ARNT2: variants seen among roughly 807,000 people sequenced by gnomAD.
ARNT2 encodes aryl hydrocarbon receptor nuclear translocator 2, also known as ARNT protein 2.
Under a neutral mutation model 91.7 loss-of-function variants are expected in ARNT2, and 36 were observed. The observed-to-expected ratio is 0.39, with a 90% CI of 0.30 to 0.52. The LOEUF is 0.52. Ranked by LOEUF, ARNT2 falls within the 20% of genes least tolerant of loss-of-function variation. The pLI is 0.72. For synonymous variants in ARNT2, 365 were observed against 347.1 expected (o/e 1.05, Z -0.57); for missense variants, 775 against 939.3 (o/e 0.83, Z 2.29).
intron 8 of ARNT2, among the ~76,000 whole-genome samples, chr15:80,524,854 G>C (rs573511020): frequency 6.8e-6 from 1 of 147,720 alleles, no homozygotes; most frequent in Non-Finnish European, 1.5e-5. Context: ...CAGCCTGGGC[G>C]ACAGAGCCAG....
chr15:80,412,499 T>C (rs958996651), intron 1 of ARNT2, among the ~76,000 whole-genome samples: 1 of 59,962 alleles, frequency 1.7e-5, no homozygotes, highest in Non-Finnish European at 3.5e-5. Context: ...AAATATTGTG[T>C]GTGTGTGTAT....
At chr15:80,497,136 C>G (rs1897134412) in intron 5 of ARNT2, among the ~76,000 whole-genome samples, 1 of 152,234 alleles carries the variant, frequency 6.6e-6, no homozygotes, top group South Asian at 2.1e-4. Flanking sequence ...TCTGGTTATT[C>G]AATCAAACAC....
At chr15:80,503,027 T>C (rs1280139804) in intron 5 of ARNT2, among the ~76,000 whole-genome samples, 1 of 152,170 alleles carries the variant, frequency 6.6e-6, no homozygotes, top group Non-Finnish European at 1.5e-5. Flanking sequence ...GCTGGATGGA[T>C]TGTGCCTCTA....
At chr15:80,572,548 C>T (rs8033088) in intron 12 of ARNT2, among the ~76,000 whole-genome samples, 28,624 of 151,548 alleles carry the variant, frequency 0.19, 2,971 homozygotes, top group African/African-American at 0.23. Context: ...GCATCCCAGA[C>T]CCAGATGAGG....
chr15:80,410,832 A>G (rs1208350290), intron 1 of ARNT2, among the ~76,000 whole-genome samples: 5 of 150,346 alleles, frequency 3.3e-5, no homozygotes, highest in Non-Finnish European at 3.0e-5. Flanking sequence ...CCTACCTATC[A>G]TCTGTCTACC....
At chr15:80,416,276 A>G (rs1444143032) in intron 1 of ARNT2, among the ~76,000 whole-genome samples, 1 of 151,378 alleles carries the variant, frequency 6.6e-6, no homozygotes, top group Non-Finnish European at 1.5e-5. Context: ...CTATTTTACC[A>G]TGTTGGCTTT....
chr15:80,505,028 A>G (rs1341196743), intron 5 of ARNT2, among the ~76,000 whole-genome samples: 2 of 152,208 alleles, frequency 1.3e-5, no homozygotes, highest in South Asian at 2.1e-4. Flanking sequence ...AGTGGAGAAC[A>G]TGAAAGGTTC....
At chr15:80,494,382 C>T (rs1486362957) in intron 5 of ARNT2, among the ~76,000 whole-genome samples, 2 of 152,182 alleles carry the variant, frequency 1.3e-5, no homozygotes, top group African/African-American at 4.8e-5. Context: ...GCCTGGTCTC[C>T]TGGCATATAC....
chr15:80,572,122 T>C (rs1302359232), intron 12 of ARNT2, among the ~76,000 whole-genome samples: 1 of 151,406 alleles, frequency 6.6e-6, no homozygotes, highest in Non-Finnish European at 1.5e-5. Context: ...GGAAAGGGAA[T>C]TAAAAAAAAA....
chr15:80,484,387 A>T (rs1385578027), intron 5 of ARNT2, among the ~76,000 whole-genome samples: 1 of 152,234 alleles, frequency 6.6e-6, no homozygotes, highest in Non-Finnish European at 1.5e-5. Context: ...TGCTTGATAA[A>T]TGCACGTGAG....
chr15:80,420,372 A>G (rs1158874646), intron 1 of ARNT2, among the ~76,000 whole-genome samples: 1 of 152,186 alleles, frequency 6.6e-6, no homozygotes, highest in Non-Finnish European at 1.5e-5. Context: ...CATGTGACAC[A>G]AAGCCTATTT....
At chr15:80,407,137 A>G (rs1895612733) in intron 1 of ARNT2, among the ~76,000 whole-genome samples, 1 of 152,220 alleles carries the variant, frequency 6.6e-6, no homozygotes, top group Admixed American at 6.5e-5. Context: ...CTTGGTAAAC[A>G]GAACCAAATG....
intron 8 of ARNT2, among the ~76,000 whole-genome samples, chr15:80,541,888 T>C (rs1897912786): frequency 6.6e-6 from 1 of 152,208 alleles, no homozygotes; most frequent in Non-Finnish European, 1.5e-5. Flanking sequence ...CCCTACTGCC[T>C]TCCTGCAGTC....
chr15:80,586,232 A>G (rs1406202677), intron 17 of ARNT2, among the ~76,000 whole-genome samples: 1 of 152,146 alleles, frequency 6.6e-6, no homozygotes, highest in Non-Finnish European at 1.5e-5. Context: ...CAAGTGTGGC[A>G]TACACATACG....
chr15:80,491,776 A>G (rs1897059607), intron 5 of ARNT2, among the ~76,000 whole-genome samples: 2 of 131,654 alleles, frequency 1.5e-5, no homozygotes, highest in South Asian at 4.9e-4. Flanking sequence ...AATACATCTC[A>G]TTTACTTCTC....
intron 11 of ARNT2, among the ~76,000 whole-genome samples, chr15:80,559,713 A>G (rs1429761645): frequency 6.6e-6 from 1 of 152,148 alleles, no homozygotes; most frequent in African/African-American, 2.4e-5. Context: ...AGTCAAAAAG[A>G]GCTGAACTCT....
rs530441738 is a variant in ARNT2 at position 80,597,369 on chromosome 15, AT to A, written c.*3673del. On this transcript the variant is annotated 3_prime_UTR_variant, in exon 19 of 19. Coordinates refer to ENST00000303329, the MANE Select transcript of ARNT2 (RefSeq NM_014862.4). ...AAGTCAGAATAGAAGTGTCCTTTAT[AT>A]TACCAGAAAATATGGGCTTGGCCTA... 19 of 502,206 alleles carry A rather than the reference AT, an allele frequency of 3.8e-5. No individual in the cohort carries two copies. Among genetic ancestry groups the A allele is most frequent in the Non-Finnish European group, 6.8e-5 (17 of 249,858 alleles). 31.1% of individuals were successfully genotyped at this position (502,206 alleles called of 1,614,324 possible). A position where few individuals can be genotyped will look rare whatever the true frequency, so the allele number is the denominator to read the frequency against.
At chr15:80,472,437 A>G (rs1263865964) in intron 4 of ARNT2, among the ~76,000 whole-genome samples, 1 of 152,244 alleles carries the variant, frequency 6.6e-6, no homozygotes, top group African/African-American at 2.4e-5. Flanking sequence ...TTATTCTGCT[A>G]GAGCCGAGAC....
chr15:80,552,773 A>G lies in ARNT2; in HGVS notation c.1088A>G (p.Gln363Arg), dbSNP rs1010533478. The part of the protein sequence containing the change: ...RCISVIGYQP[Q>R]DLLGKDILEF... Reference sequence around the variant, plus strand: ...ATCAGTGTGATTGGCTACCAACCCCAGGTGAGTAGATAGTTTTGAGCCTAT... The same window carrying G: ...ATCAGTGTGATTGGCTACCAACCCCGGGTGAGTAGATAGTTTTGAGCCTAT... The change falls in exon 10 of 19, where the codon CAG becomes CGG. Residue 363 changes from glutamine to arginine, a missense_variant and splice_region_variant. This residue lies in a region of ARNT2 where 285 missense variants were observed against 327.2 expected (regional missense o/e 0.87). Coordinates refer to ENST00000303329, the MANE Select transcript of ARNT2 (RefSeq NM_014862.4). 2 of 1,613,824 alleles carry G rather than the reference A, an allele frequency of 1.2e-6. No homozygotes were observed. The highest frequency in any genetic ancestry group is 8.5e-7 in the Non-Finnish European group (1 of 1,179,826).
Sources: allele counts gnomAD v4.1 joint callset (sites outside exome capture counted in the v4.1 genomes callset), GRCh38; gene constraint gnomAD v4.1.1; regional missense constraint gnomAD v4.1.1; transcripts MANE v1.5; gene names NCBI Gene and HGNC (gene_info 2026-07-23, HGNC 2026-07-21).